Variants in SEC14L5 observed in about 807,000 individuals in gnomAD.
SEC14L5 encodes the protein SEC14 like lipid binding 5.
In SEC14L5, 96 loss-of-function variants were observed where a neutral mutation model predicts 84.6. That is an observed-to-expected ratio of 1.13 (90% CI 0.96 to 1.34). SEC14L5 has a LOEUF of 1.34. Ranked by LOEUF, SEC14L5 falls within the 40% of genes most tolerant of loss-of-function variation. SEC14L5 has a pLI of 0.00. For missense variants in SEC14L5, 1,224 were observed against 942.5 expected, an observed-to-expected ratio of 1.30 and a Z score of -3.91; for synonymous variants, 546 against 383.4, an observed-to-expected ratio of 1.42 and a Z score of -4.95.
In SEC14L5 at chr16:4,991,829, G is replaced by A; in HGVS notation, c.475-9G>A. 1 of 1,591,600 alleles carries A rather than the reference G, an allele frequency of 6.3e-7. No homozygotes were observed. The highest frequency in any genetic ancestry group is 8.6e-7 in the Non-Finnish European group (1 of 1,168,050). Reference sequence around the variant, plus strand: ...GTGCTCATGTGTCTTGGGTCTCTCTGGCTTCCAGGGGAAGGAGGTGATTGA... The same window carrying A: ...GTGCTCATGTGTCTTGGGTCTCTCTAGCTTCCAGGGGAAGGAGGTGATTGA... On this transcript the variant is annotated splice_polypyrimidine_tract_variant and intron_variant, in intron 5 of 15. Coordinates refer to ENST00000251170, the MANE Select transcript of SEC14L5 (RefSeq NM_014692.2).
chr16:4,965,190 C>T (rs1182913460), intron 2 of SEC14L5, among the ~76,000 whole-genome samples: 2 of 152,182 alleles, frequency 1.3e-5, no homozygotes, highest in African/African-American at 4.8e-5. Context: ...TGTATAGATT[C>T]TGCCTTGTTT....
intron 15 of SEC14L5, among the ~76,000 whole-genome samples, chr16:5,013,474 A>C (rs1004316585): frequency 1.4e-5 from 2 of 147,028 alleles, no homozygotes; most frequent in Admixed American, 6.9e-5. Context: ...GTAGCCTTGA[A>C]CTCCCGGGCT....
intron 10 of SEC14L5, among the ~76,000 whole-genome samples, chr16:5,001,670 C>T (rs370646710): frequency 6.6e-4 from 100 of 152,298 alleles, no homozygotes; most frequent in African/African-American, 2.3e-3. Context: ...CTGACTCCCC[C>T]GCATTTCTGT....
At chr16:4,965,592 C>T (rs546046333) in intron 2 of SEC14L5, among the ~76,000 whole-genome samples, 17 of 118,776 alleles carry the variant, frequency 1.4e-4, no homozygotes, top group African/African-American at 3.5e-4. Flanking sequence ...AACCGGGAGG[C>T]GGAGCTTGCA....
At chr16:4,981,450 C>A (rs374517147) in intron 2 of SEC14L5, among the ~76,000 whole-genome samples, 1 of 151,918 alleles carries the variant, frequency 6.6e-6, no homozygotes, top group South Asian at 2.1e-4. Context: ...CCCCCGAAAT[C>A]ATTTCGTTTG....
chr16:4,959,256 G>T lies in SEC14L5; in HGVS notation c.-51-17G>T. 1 of 1,282,530 alleles carries T rather than the reference G, an allele frequency of 7.8e-7. No homozygotes were observed. The highest frequency in any genetic ancestry group is 1.2e-5 in the South Asian group (1 of 83,936). 79.4% of individuals were successfully genotyped at this position (1,282,530 alleles called of 1,614,324 possible). On this transcript the variant is annotated splice_polypyrimidine_tract_variant and intron_variant, in intron 1 of 15. Coordinates refer to ENST00000251170, the MANE Select transcript of SEC14L5 (RefSeq NM_014692.2). Reference sequence around the variant, plus strand: ...CGAGGTGGGAGCTGCAACCTCACCAGTCACTCCTCGCCCCAGGCTCTGTGC... The same window carrying T: ...CGAGGTGGGAGCTGCAACCTCACCATTCACTCCTCGCCCCAGGCTCTGTGC...
intron 10 of SEC14L5, among the ~76,000 whole-genome samples, chr16:5,002,732 T>C (rs1955690790): frequency 6.6e-6 from 1 of 152,202 alleles, no homozygotes; most frequent in Admixed American, 6.5e-5. Context: ...TCCTAATGAA[T>C]GAATACTAAT....
chr16:4,963,818 T>C (rs1196262208), intron 2 of SEC14L5, among the ~76,000 whole-genome samples: 1 of 152,140 alleles, frequency 6.6e-6, no homozygotes, highest in Non-Finnish European at 1.5e-5. Flanking sequence ...TGCACCACCA[T>C]ACCCGGCTAG....
chr16:5,008,570 C>T lies in SEC14L5; in HGVS notation c.1722C>T (p.Ile574=), dbSNP rs560561533. The T allele has an allele frequency of 6.2e-5, 100 of 1,607,484 alleles. No individual in the cohort carries two copies. The highest frequency in any genetic ancestry group is 8.2e-5 in the Non-Finnish European group (97 of 1,177,846). ...GGACCAGGGCCAGCGGGCAGCTGAT[C>T]GACAAAGGCTGGGTCCTGGGCAGGG... is the stretch of plus-strand genomic sequence containing the variant. The part of the protein sequence containing the change: ...EPGTRASGQL[I]DKGWVLGRDY... The change falls in exon 14 of 16, where the codon ATC becomes ATT. Residue 574 remains isoleucine (I), a synonymous_variant. Transcript: ENST00000251170.
chr16:4,995,026 T>C (rs983165114), intron 6 of SEC14L5, among the ~76,000 whole-genome samples: 1 of 152,146 alleles, frequency 6.6e-6, no homozygotes, highest in African/African-American at 2.4e-5. Flanking sequence ...CCACACAAGG[T>C]CTGGACAATT....
chr16:4,987,664 G>T lies in SEC14L5; in HGVS notation c.171G>T (p.Arg57=), dbSNP rs770480155. Residue 57 remains arginine (R), a synonymous_variant, in exon 3 of 16, where the codon CGG becomes CGT. Transcript: ENST00000251170. The stretch of plus-strand genomic sequence containing the variant: ...ACGGGGCTGTGCACGTGGTGGAGCG[G>T]AGCTGCCGGCTGCGCGTGGACGCCC... ...SPDGAVHVVE[R]SCRLRVDAPR... 11 of 1,545,838 alleles carry T rather than the reference G, an allele frequency of 7.1e-6. No individual in the cohort carries two copies. Among genetic ancestry groups the T allele is most frequent in the Non-Finnish European group, 9.6e-6 (11 of 1,148,062 alleles).
At chr16:4,978,054 G>A (rs1269497082) in intron 2 of SEC14L5, among the ~76,000 whole-genome samples, 2 of 147,780 alleles carry the variant, frequency 1.4e-5, no homozygotes, top group East Asian at 2.0e-4. Flanking sequence ...CACCTGCCTC[G>A]GCCTCCCAAA....
chr16:5,011,223 C>T lies in SEC14L5; in HGVS notation c.1929C>T (p.Pro643=). 2 of 1,613,888 alleles carry T rather than the reference C, an allele frequency of 1.2e-6. No homozygotes were observed. Among genetic ancestry groups the T allele is most frequent in the South Asian group, 2.2e-5 (2 of 91,082 alleles). ...TGACGGCTCTGCACAGCCCCGGGCC[C>T]AAGTGCAAACTTCTCTACTACTGTG... ...DVLTALHSPG[P]KCKLLYYCEV... The change falls in exon 15 of 16, where the codon CCC becomes CCT. Residue 643 remains proline, a synonymous_variant. Transcript: ENST00000251170.
intron 2 of SEC14L5, among the ~76,000 whole-genome samples, chr16:4,964,153 G>A (rs1955164408): frequency 6.6e-6 from 1 of 152,200 alleles, no homozygotes; most frequent in African/African-American, 2.4e-5. Flanking sequence ...AAGGTGTGTG[G>A]GGTGGTGGTG....
chr16:4,995,172 C>A lies in SEC14L5; in HGVS notation c.668-1176C>A, dbSNP rs149125109. ...TCATTCAGCCTGTTTTCTTATTTAG[C>A]CATCTGTCTACAAAGAACTGGCTCT... On this transcript the variant is annotated intron_variant, in intron 6 of 15. Transcript: ENST00000251170. Among the ~76,000 whole-genome samples the A allele has an allele frequency of 1.9e-3, 287 of 152,298 alleles. 2 individuals carry two copies. The highest frequency in any genetic ancestry group is 6.4e-3 in the African/African-American group (268 of 41,566).
intron 7 of SEC14L5, 106 bp downstream of exon 7, chr16:4,996,566 TCTTG>T (rs541880834): frequency 0.011 from 6,877 of 647,348 alleles, 85 homozygotes; most frequent in South Asian, 0.037. Context: ...ACACATTATC[TCTTG>T]CTTATTTATT....
chr16:4,983,898 AAATAAATAAAT>A (rs1221498438), intron 2 of SEC14L5, among the ~76,000 whole-genome samples: 4 of 139,870 alleles, frequency 2.9e-5, no homozygotes, highest in East Asian at 2.0e-4. Flanking sequence ...ATAAATAAAT[AAATAAATAAAT>A]AAATAAATAG....
intron 2 of SEC14L5, among the ~76,000 whole-genome samples, chr16:4,975,472 CAAAA>C (rs55786860): frequency 1.3e-5 from 1 of 77,320 alleles, no homozygotes; most frequent in Non-Finnish European, 2.2e-5. Flanking sequence ...AACTCCATCT[CAAAA>C]AAAAAAAAAA....
At position 4,990,860 on chromosome 16, in the gene SEC14L5, A is replaced by G. The variant is rs1350279679; in HGVS notation, c.439A>G (p.Ile147Val). ...TGGCTTTGAAAATGCCTTGGAGAAGATCGCCATGAAGCAGTACACCGCCAA... is the reference window on the plus strand; with the variant it reads ...TGGCTTTGAAAATGCCTTGGAGAAGGTCGCCATGAAGCAGTACACCGCCAA... ...FFGFENALEK[I>V]AMKQYTANVK... The change falls in exon 5 of 16, where the codon ATC becomes GTC. Residue 147 changes from isoleucine (I) to valine (V), a missense_variant. By Grantham distance (29) the Ile-to-Val change is conservative. Coordinates refer to ENST00000251170, the MANE Select transcript of SEC14L5 (RefSeq NM_014692.2). 3 of 1,610,124 alleles carry G rather than the reference A, an allele frequency of 1.9e-6. No homozygotes were observed. The highest frequency in any genetic ancestry group is 2.5e-6 in the Non-Finnish European group (3 of 1,178,170).
Sources: allele counts gnomAD v4.1 joint callset (sites outside exome capture counted in the v4.1 genomes callset), GRCh38; gene constraint gnomAD v4.1.1; transcripts MANE v1.5; gene names NCBI Gene and HGNC (gene_info 2026-07-23, HGNC 2026-07-21).